The following CSPP1 variants were observed in gnomAD, a reference collection of about 807,000 sequenced individuals.
The protein encoded by CSPP1 is centrosome and spindle pole associated protein 1.
In CSPP1, 126 loss-of-function variants were observed where a neutral mutation model predicts 164.4. The ratio of observed to expected loss-of-function variants is 0.77; its 90% CI spans 0.66 to 0.89. The LOEUF is 0.89. Ranked by LOEUF, CSPP1 falls within the 40% of genes least tolerant of loss-of-function variation. The pLI is 0.00. For synonymous variants in CSPP1, 472 were observed against 476.7 expected (o/e 0.99, Z 0.13); for missense variants, 1,395 against 1,449.8 (o/e 0.96, Z 0.61).
intron 17 of CSPP1, among the ~76,000 whole-genome samples, chr8:67,144,479 G>A (rs149490854): frequency 6.6e-5 from 10 of 152,144 alleles, no homozygotes; most frequent in East Asian, 1.9e-4. Context: ...TTGCTCTGTC[G>A]CAGAAGCTGG....
Position 67,064,526 on chromosome 8 carries a change from C to A in CSPP1, c.-23C>A. The A allele has an allele frequency of 1.9e-6, 3 of 1,610,622 alleles. No individual in the cohort carries two copies. The highest frequency in any genetic ancestry group is 2.5e-6 in the Non-Finnish European group (3 of 1,178,914). On this transcript the variant is annotated 5_prime_UTR_variant, in exon 1 of 31. Transcript: ENST00000678616. ...GAGTCAGCCAGCCGCGGATGGGGAG[C>A]GTGAGTGGCGAGGTGTGGCCTGGGG...
chr8:67,131,859 A>G lies in CSPP1; in HGVS notation c.1698-92A>G, dbSNP rs976236242. The G allele has an allele frequency of 8.7e-6, 10 of 1,152,396 alleles. No homozygotes were observed. The African/African-American group carries it at 1.4e-4, about 16-fold the overall frequency. The allele number at this position is 1,152,396 out of a possible 1,614,324, so 71.4% of individuals were successfully genotyped here. On this transcript the variant is annotated intron_variant, in intron 15 of 30. Transcript: ENST00000678616. ...AATATCCTTCTGTATTTTTAAATGT[A>G]TTTATATGCCATGCTATTTCAAAAA...
intron 15 of CSPP1, among the ~76,000 whole-genome samples, chr8:67,127,606 A>G (rs1018001172): frequency 2.0e-5 from 3 of 152,204 alleles, no homozygotes; most frequent in South Asian, 2.1e-4. Flanking sequence ...GGTTTTGACA[A>G]TTTTGACTCG....
intron 29 of CSPP1, 114 bp from the exon 30 acceptor site, chr8:67,193,350 G>A: frequency 1.2e-6 from 1 of 840,404 alleles, no homozygotes; most frequent in Non-Finnish European, 1.8e-6. Context: ...GCCCACCTCG[G>A]CTTCCCAAAG....
chr8:67,103,041 C>T lies in CSPP1; in HGVS notation c.928C>T (p.His310Tyr), dbSNP rs1814479243. The change falls in exon 8 of 31, where the codon CAC (histidine) becomes TAC (tyrosine). Residue 310 changes from histidine to tyrosine, a missense_variant. By Grantham distance (83) the His-to-Tyr change is moderately conservative. Coordinates refer to ENST00000678616, the MANE Select transcript of CSPP1 (RefSeq NM_001382391.1). ...LSRVYTNDRM[H>Y]RNKRGNMPPM... ...ATAAGCTAATGTGTTTTTAAGGATGCACAGGAACAAACGAGGGAATATGCC... is the reference window on the plus strand; with the variant it reads ...ATAAGCTAATGTGTTTTTAAGGATGTACAGGAACAAACGAGGGAATATGCC... 6.3e-7 allele frequency: 1 copy of T among 1,596,950 alleles called. No individual in the cohort carries two copies. The highest frequency in any genetic ancestry group is 8.6e-7 in the Non-Finnish European group (1 of 1,164,628).
In CSPP1 at chr8:67,084,570, C is replaced by T. The variant is rs1809987846; in HGVS notation, c.200-1437C>T. 2.0e-5 allele frequency among the ~76,000 whole-genome samples: 3 copies of T among 151,996 alleles called. No homozygotes were observed. In the South Asian group the frequency reaches 6.2e-4, roughly 31 times the overall value. On this transcript the variant is annotated intron_variant, in intron 3 of 30. Coordinates refer to ENST00000678616, the MANE Select transcript of CSPP1 (RefSeq NM_001382391.1). ...TTTATTTCATCTATAGTGCTCATAG[C>T]TGAATCTTTAAGGAAAGTTTTGGCC... is the stretch of plus-strand genomic sequence containing the variant.
intron 4 of CSPP1, among the ~76,000 whole-genome samples, chr8:67,089,334 G>C (rs1811134500): frequency 6.6e-6 from 1 of 151,942 alleles, no homozygotes; most frequent in Non-Finnish European, 1.5e-5. Context: ...TTTTTAAATT[G>C]AGTCAGTTAA....
At chr8:67,069,072 A>G (rs1806170927) in intron 1 of CSPP1, 1 of 152,230 alleles carries the variant, frequency 6.6e-6, no homozygotes, top group African/African-American at 2.4e-5. Context: ...CACCCAACAC[A>G]TATAAGTCTT....
intron 5 of CSPP1, 86 bp from the exon 6 acceptor site, chr8:67,093,457 T>C (rs1413202222): frequency 3.9e-6 from 3 of 771,320 alleles, no homozygotes; most frequent in Non-Finnish European, 6.6e-6. Context: ...TATGTATGAT[T>C]CAGATTTGAC....
chr8:67,183,464 G>A (rs1833548603), intron 28 of CSPP1, among the ~76,000 whole-genome samples: 2 of 151,920 alleles, frequency 1.3e-5, no homozygotes, highest in African/African-American at 4.8e-5. Flanking sequence ...AGACCACAAT[G>A]GAAATAAACT....
chr8:67,138,705 C>T (rs1045114523), intron 17 of CSPP1, among the ~76,000 whole-genome samples: 10 of 152,080 alleles, frequency 6.6e-5, no homozygotes, highest in African/African-American at 2.4e-4. Flanking sequence ...TTAGAATTCT[C>T]GTGTGTTGCA....
chr8:67,167,513 G>A (rs1223747800), intron 24 of CSPP1, among the ~76,000 whole-genome samples: 8 of 151,458 alleles, frequency 5.3e-5, no homozygotes, highest in East Asian at 2.0e-4. Context: ...GGCAGCTGCC[G>A]GGCGGAGGGG....
At chr8:67,115,263 AGG>A (rs1817697452) in intron 12 of CSPP1, 1 of 152,250 alleles carries the variant, frequency 6.6e-6, no homozygotes, top group Non-Finnish European at 1.5e-5. Flanking sequence ...AGAATACTAC[AGG>A]TATATTTAAA....
Position 67,177,885 on chromosome 8 carries a change from A to AAT in CSPP1, c.3156+167_3156+168dup, listed in dbSNP as rs555319742. Among the ~76,000 whole-genome samples, 200 of 152,296 alleles carry AAT rather than the reference A, an allele frequency of 1.3e-3. 1 individual carries two copies. The highest frequency in any genetic ancestry group is 6.8e-3 in the Middle Eastern group (2 of 294). Reference sequence around the variant, plus strand: ...TGGATAGCTTGAGAAGTGTTAGTGTAATATATATAGAAAACATATTGTAAT... The same window carrying AAT: ...TGGATAGCTTGAGAAGTGTTAGTGTAATATATATATAGAAAACATATTGTAAT... On this transcript the variant is annotated intron_variant, in intron 27 of 30. Transcript: ENST00000678616.
chr8:67,114,753 A>G (rs890119129), intron 12 of CSPP1: 2 of 152,226 alleles, frequency 1.3e-5, no homozygotes, highest in African/African-American at 4.8e-5. Context: ...TTAAGAGGTG[A>G]GCTTTTTAAT....
rs1491505711 is a variant in CSPP1, at chr8:67,185,117, A to AT, written c.3220+5191_3220+5192insT. On this transcript the variant is annotated intron_variant, in intron 28 of 30. Transcript: ENST00000678616. ...AAGACTCCGTCTCAAAAAAAAAAAA[A>AT]CAAAAACAAACAAACAAACAAACAA... 7.7e-4 allele frequency among the ~76,000 whole-genome samples: 115 copies of AT among 149,500 alleles called. 2 individuals carry two copies. Among genetic ancestry groups the AT allele is most frequent in the Non-Finnish European group, 3.1e-4 (21 of 67,834 alleles).
chr8:67,104,054 C>T (rs529822656), intron 8 of CSPP1, among the ~76,000 whole-genome samples: 2 of 152,058 alleles, frequency 1.3e-5, no homozygotes, highest in South Asian at 2.1e-4. Flanking sequence ...ATTTTGGTGG[C>T]ATTCCTGTGT....
intron 24 of CSPP1, among the ~76,000 whole-genome samples, chr8:67,167,076 G>T (rs1256838296): frequency 2.0e-5 from 3 of 152,212 alleles, no homozygotes; most frequent in South Asian, 2.1e-4. Context: ...CAAGGCAGAA[G>T]AATTTTTCTT....
chr8:67,068,252 T>C (rs901761145), intron 1 of CSPP1, among the ~76,000 whole-genome samples: 1 of 152,256 alleles, frequency 6.6e-6, no homozygotes, highest in African/African-American at 2.4e-5. Context: ...TTCTGTTTTA[T>C]AGATTAGGCA....
Sources: gnomAD v4.1 joint callset for allele counts (sites outside exome capture counted in the v4.1 genomes callset) on GRCh38, gnomAD v4.1.1 for gene constraint, MANE v1.5 for transcripts, NCBI Gene and HGNC (gene_info 2026-07-23, HGNC 2026-07-21) for gene names.